The following IGSF10 variants were observed in gnomAD, a reference collection of about 807,000 sequenced individuals.
The protein encoded by IGSF10 is calvaria mechanical force protein 608.
Under a neutral mutation model 128.2 loss-of-function variants are expected in IGSF10, and 126 were observed. The ratio of observed to expected loss-of-function variants is 0.98; its 90% CI spans 0.85 to 1.14. The LOEUF (loss-of-function observed/expected upper bound fraction) is 1.14. Among genes scored for constraint, IGSF10 ranks in the 50% most tolerant of loss-of-function variants. The pLI is 0.00. For synonymous variants in IGSF10, 1,185 were observed against 1,146.2 expected, an observed-to-expected ratio of 1.03 and a Z score of -0.68; for missense variants, 3,295 against 3,149.8, an observed-to-expected ratio of 1.05 and a Z score of -1.10.
chr3:151,463,924 T>C (rs924779713), upstream of IGSF10, among the ~76,000 whole-genome samples: 1 of 152,204 alleles, frequency 6.6e-6, no homozygotes, highest in African/African-American at 2.4e-5. Context: ...ACCACTCTTT[T>C]TTCTAACCAT....
the IGSF10 span, among the ~76,000 whole-genome samples, chr3:151,512,546 A>G: frequency 6.6e-6 from 1 of 152,232 alleles, no homozygotes. Context: ...CATCACAATT[A>G]AAAGAACTAG....
Position 151,443,470 on chromosome 3 carries a change from C to T in IGSF10, c.5477G>A (p.Gly1826Asp), listed in dbSNP as rs147801336. 2.4e-4 allele frequency: 381 copies of T among 1,614,198 alleles called. 2 individuals carry two copies. In the Middle Eastern group the frequency reaches 4.1e-3, roughly 17 times the overall value. The change falls in exon 7 of 8, where the codon GGT (glycine) becomes GAT (aspartate). Residue 1826 changes from glycine to aspartate, a missense_variant. Physicochemically the swap from Gly to Asp is moderately conservative, Grantham distance 94 (BLOSUM62 -1). Transcript: ENST00000282466. The stretch of plus-strand genomic sequence containing the variant: ...TTTAACCAGCAGTGAATCCTGGCCA[C>T]CTGGGTTGCTGGCCACACATTTGTA... Reference protein sequence around the residue: ...GFYKCVASNPGGQDSLLVKIQ... With the variant: ...GFYKCVASNPDGQDSLLVKIQ...
the IGSF10 span, among the ~76,000 whole-genome samples, chr3:151,572,464 C>T: frequency 2.0e-5 from 3 of 152,030 alleles, no homozygotes; most frequent in Non-Finnish European, 4.4e-5. Context: ...TGTATGTGTC[C>T]AGGAATTTAT....
At chr3:151,570,195 T>A in the IGSF10 span, among the ~76,000 whole-genome samples, 4 of 152,266 alleles carry the variant, frequency 2.6e-5, no homozygotes, top group Middle Eastern at 0.014. Flanking sequence ...CAATAAACAT[T>A]TGTGTGCATG....
chr3:151,534,011 C>T, the IGSF10 span, among the ~76,000 whole-genome samples: 4 of 152,210 alleles, frequency 2.6e-5, no homozygotes, highest in Admixed American at 2.0e-4. Flanking sequence ...TGAACAGACA[C>T]TTCTCAAAAG....
the IGSF10 span, among the ~76,000 whole-genome samples, chr3:151,497,625 G>A: frequency 1.3e-5 from 2 of 152,128 alleles, no homozygotes; most frequent in Non-Finnish European, 2.9e-5. Context: ...CTCCAGCTTT[G>A]TTCTTTTGGC....
chr3:151,582,297 G>GC, the IGSF10 span, among the ~76,000 whole-genome samples: 6 of 113,892 alleles, frequency 5.3e-5, no homozygotes, highest in African/African-American at 1.3e-4. Context: ...ATATCCGGGG[G>GC]GGGGGGCGGG....
Position 151,448,994 on chromosome 3 carries a change from G to A in IGSF10, c.987C>T (p.Asn329=), listed in dbSNP as rs1389374210. The change falls in exon 6 of 8, where the codon AAC becomes AAT. Residue 329 remains asparagine (N), a synonymous_variant. Coordinates refer to ENST00000282466, the MANE Select transcript of IGSF10 (RefSeq NM_178822.5). ...AGGGCTTTTGAATACTGCAGACCAT[G>A]TTAGCTTCATTTCCAGACTGATCTG... is the stretch of plus-strand genomic sequence containing the variant. ...NMTDQSGNEA[N]MVCSIQKPSR... 6.2e-7 allele frequency: 1 copy of A among 1,614,082 alleles called. No individual in the cohort carries two copies. The highest frequency in any genetic ancestry group is 8.5e-7 in the Non-Finnish European group (1 of 1,180,028).
chr3:151,601,947 C>T, the IGSF10 span, among the ~76,000 whole-genome samples: 1 of 152,054 alleles, frequency 6.6e-6, no homozygotes, highest in Non-Finnish European at 1.5e-5. Flanking sequence ...CACAAGTATG[C>T]TTTTTGGGAA....
chr3:151,529,096 A>G, the IGSF10 span, among the ~76,000 whole-genome samples: 1 of 152,096 alleles, frequency 6.6e-6, no homozygotes, highest in African/African-American at 2.4e-5. Context: ...GGAGGTTCAA[A>G]CTGGGCAGAC....
At chr3:151,470,523 G>A in the IGSF10 span, among the ~76,000 whole-genome samples, 4 of 152,144 alleles carry the variant, frequency 2.6e-5, no homozygotes, top group African/African-American at 9.7e-5. Flanking sequence ...TTTACCTTGG[G>A]AAGACAGTCA....
At chr3:151,487,121 A>C in the IGSF10 span, among the ~76,000 whole-genome samples, 1 of 152,204 alleles carries the variant, frequency 6.6e-6, no homozygotes, top group South Asian at 2.1e-4. Flanking sequence ...AGAATCAAAT[A>C]GGTGCAATAA....
At chr3:151,473,417 C>T in the IGSF10 span, among the ~76,000 whole-genome samples, 8 of 152,236 alleles carry the variant, frequency 5.3e-5, no homozygotes, top group Admixed American at 6.5e-5. Context: ...CTTTTTCAAT[C>T]GATAACTTGA....
chr3:151,455,366 G>A (rs1721740544), intron 4 of IGSF10, among the ~76,000 whole-genome samples: 1 of 151,810 alleles, frequency 6.6e-6, no homozygotes. Flanking sequence ...CCCCCCCTTG[G>A]CCTCCCAAAG....
Position 151,447,111 on chromosome 3 carries a change from G to C in IGSF10, c.2870C>G (p.Ser957Cys), listed in dbSNP as rs1178688444. 1 of 1,614,104 alleles carries C rather than the reference G, an allele frequency of 6.2e-7. No individual in the cohort carries two copies. The highest frequency in any genetic ancestry group is 1.3e-5 in the African/African-American group (1 of 74,940). The change falls in exon 6 of 8, where the codon TCT becomes TGT. Residue 957 changes from serine to cysteine, a missense_variant. Coordinates refer to ENST00000282466, the MANE Select transcript of IGSF10 (RefSeq NM_178822.5). ...SVNTTNSHQTSVREVSEPRHN... is the reference protein window; with the variant it reads ...SVNTTNSHQTCVREVSEPRHN... ...CCTGGGTTCACTCACTTCTCTTACA[G>C]ATGTCTGATGACTATTTGTGGTATT...
chr3:151,441,989 A>G (rs1164885640), intron 7 of IGSF10, among the ~76,000 whole-genome samples: 2 of 152,214 alleles, frequency 1.3e-5, no homozygotes, highest in Non-Finnish European at 2.9e-5. Context: ...TGAACCTGGG[A>G]GGCGGAGCTT....
chr3:151,485,320 G>C, the IGSF10 span, among the ~76,000 whole-genome samples: 1 of 152,050 alleles, frequency 6.6e-6, no homozygotes, highest in Non-Finnish European at 1.5e-5. Flanking sequence ...CCAAATCTAT[G>C]TTTGATTGGT....
intron 7 of IGSF10, among the ~76,000 whole-genome samples, 190 bp downstream of exon 7, chr3:151,442,794 G>A (rs1028866458): frequency 1.3e-5 from 2 of 152,118 alleles, no homozygotes; most frequent in Non-Finnish European, 2.9e-5. Context: ...AGTTAAGCAT[G>A]TGAAAAGAAT....
the IGSF10 span, among the ~76,000 whole-genome samples, chr3:151,476,762 CTA>C: frequency 3.3e-5 from 5 of 152,112 alleles, no homozygotes; most frequent in Non-Finnish European, 4.4e-5. Context: ...AGTGAATGTG[CTA>C]TGTTTAGAGA....
Sources: gnomAD v4.1 joint callset for allele counts (sites outside exome capture counted in the v4.1 genomes callset) on GRCh38, gnomAD v4.1.1 for gene constraint, MANE v1.5 for transcripts, NCBI Gene and HGNC (gene_info 2026-07-23, HGNC 2026-07-21) for gene names.